Variants in ANKRD11 observed in about 807,000 individuals in gnomAD.
The protein encoded by ANKRD11 is ankyrin repeat domain 11, also known as ankyrin repeat domain-containing protein 11.
In ANKRD11, 17 loss-of-function variants were observed where a neutral mutation model predicts 195.7. That is an observed-to-expected ratio of 0.09 (90% confidence interval 0.06 to 0.13). The LOEUF is 0.13. Ranked by LOEUF, ANKRD11 falls within the 10% of genes least tolerant of loss-of-function variation. The pLI is 1.00. For missense variants in ANKRD11, 3,735 were observed against 3,566.1 expected (o/e 1.05, Z -1.21); for synonymous variants, 1,953 against 1,528.1 (o/e 1.28, Z -6.49).
intron 2 of ANKRD11, among the ~76,000 whole-genome samples, chr16:89,414,706 CG>C (rs1235855017): frequency 2.0e-5 from 3 of 152,172 alleles, no homozygotes; most frequent in African/African-American, 7.2e-5. Context: ...ACAAGGCTGT[CG>C]GGGACCCTAT....
chr16:89,433,416 G>C (rs771428996), intron 1 of ANKRD11, among the ~76,000 whole-genome samples: 12 of 152,238 alleles, frequency 7.9e-5, no homozygotes, highest in Non-Finnish European at 1.6e-4. Context: ...GCCAAGTTCA[G>C]ACTCCTTTTT....
chr16:89,371,871 A>G (rs116726303), intron 2 of ANKRD11, among the ~76,000 whole-genome samples: 4,468 of 152,298 alleles, frequency 0.029, 150 homozygotes, highest in African/African-American at 0.075. Flanking sequence ...AGGGAGGTAG[A>G]CCTGGTGACC....
intron 2 of ANKRD11, among the ~76,000 whole-genome samples, chr16:89,371,929 C>G (rs1049547880): frequency 6.6e-6 from 1 of 152,290 alleles, no homozygotes; most frequent in South Asian, 2.1e-4. Flanking sequence ...TGGCCTGTTA[C>G]AGAACAGGAG....
intron 2 of ANKRD11, among the ~76,000 whole-genome samples, chr16:89,336,838 A>G (rs2038379501): frequency 6.6e-6 from 1 of 152,126 alleles, no homozygotes. Context: ...TTAGAAAACA[A>G]CTGCAGGCCG....
chr16:89,367,696 T>C (rs1567707739), intron 2 of ANKRD11, among the ~76,000 whole-genome samples: 1 of 151,976 alleles, frequency 6.6e-6, no homozygotes, highest in African/African-American at 2.4e-5. Context: ...CAGCTGCAGG[T>C]TTTTTGCAGA....
intron 1 of ANKRD11, among the ~76,000 whole-genome samples, chr16:89,451,614 G>A (rs557425467): frequency 2.0e-5 from 3 of 151,850 alleles, no homozygotes; most frequent in Admixed American, 6.6e-5. Context: ...ACAGAATTTC[G>A]CAGTGTTGGC....
At chr16:89,337,006 C>T (rs1435575172) in intron 2 of ANKRD11, among the ~76,000 whole-genome samples, 3 of 39,720 alleles carry the variant, frequency 7.6e-5, no homozygotes, top group Non-Finnish European at 1.6e-4. Context: ...CCTGGCTCTA[C>T]CAAAAAAAAA....
At chr16:89,395,912 T>C (rs1210425019) in intron 2 of ANKRD11, 3 of 152,180 alleles carry the variant, frequency 2.0e-5, no homozygotes, top group South Asian at 2.1e-4. Flanking sequence ...CTTGTGCATA[T>C]CCTTCATGAC....
At chr16:89,341,796 A>G (rs1433426085) in intron 2 of ANKRD11, among the ~76,000 whole-genome samples, 2 of 152,180 alleles carry the variant, frequency 1.3e-5, no homozygotes, top group African/African-American at 4.8e-5. Flanking sequence ...GAGATGGCAG[A>G]GTCTGGCACG....
chr16:89,281,851 T>C lies in ANKRD11; in HGVS notation c.4691A>G (p.Lys1564Arg). 6.2e-7 allele frequency: 1 copy of C among 1,613,994 alleles called. No homozygotes were observed. Among genetic ancestry groups the C allele is most frequent in the Non-Finnish European group, 8.5e-7 (1 of 1,179,994 alleles). The stretch of plus-strand genomic sequence containing the variant: ...GAGCTTCTCCCTGGGCCTGGCGTCT[T>C]TCTTGCCTGGGTCTTTGGATGGCGC... ...KVAPSKDPGK[K>R]DARPREKLLG... The change falls in exon 9 of 13, where the codon AAA (lysine) becomes AGA (arginine). Residue 1564 changes from lysine to arginine, a missense_variant. Transcript: ENST00000301030. The surrounding 1 kb of genome is among the most constrained non-coding windows in gnomAD (Gnocchi z 5.5).
intron 2 of ANKRD11, among the ~76,000 whole-genome samples, chr16:89,369,290 G>A (rs926909977): frequency 2.0e-5 from 3 of 152,136 alleles, no homozygotes; most frequent in Admixed American, 6.5e-5. Context: ...ACGTCTCCAC[G>A]ACACTCGCAG....
At chr16:89,427,813 A>G (rs1246876454) in intron 1 of ANKRD11, among the ~76,000 whole-genome samples, 2 of 151,986 alleles carry the variant, frequency 1.3e-5, no homozygotes, top group Non-Finnish European at 2.9e-5. Flanking sequence ...AAGTCTAGTA[A>G]TCGTATGATG....
At chr16:89,475,348 A>G (rs1378104967) in intron 1 of ANKRD11, among the ~76,000 whole-genome samples, 1 of 152,162 alleles carries the variant, frequency 6.6e-6, no homozygotes, top group Non-Finnish European at 1.5e-5. Flanking sequence ...CCCCTCCCTC[A>G]TCACCAGGTG....
intron 12 of ANKRD11, 97 bp from the exon 13 acceptor site, chr16:89,268,760 C>T (rs560680331): frequency 4.2e-6 from 6 of 1,413,028 alleles, no homozygotes; most frequent in African/African-American, 2.8e-5. Flanking sequence ...GGGCGTGATA[C>T]GGCCGTGAAC....
At chr16:89,302,872 C>T (rs981518707) in intron 4 of ANKRD11, among the ~76,000 whole-genome samples, 4 of 152,208 alleles carry the variant, frequency 2.6e-5, no homozygotes, top group African/African-American at 4.8e-5. Flanking sequence ...GTGTTCAACA[C>T]GCAGTTCCAG....
At chr16:89,329,672 C>T (rs547077845) in intron 2 of ANKRD11, among the ~76,000 whole-genome samples, 9 of 152,172 alleles carry the variant, frequency 5.9e-5, no homozygotes, top group African/African-American at 1.9e-4. Context: ...TTTCATAAAC[C>T]TTGTTTTGTG....
intron 2 of ANKRD11, among the ~76,000 whole-genome samples, chr16:89,377,607 G>A (rs927234607): frequency 2.6e-5 from 4 of 152,132 alleles, no homozygotes; most frequent in Non-Finnish European, 4.4e-5. Context: ...ACCAGGTGAC[G>A]AGGAGGAGGT....
chr16:89,333,437 G>A (rs1005234761), intron 2 of ANKRD11, among the ~76,000 whole-genome samples: 15 of 152,142 alleles, frequency 9.9e-5, no homozygotes, highest in Admixed American at 3.9e-4. Context: ...TTGGACGAAC[G>A]TATCCTGATG....
intron 2 of ANKRD11, among the ~76,000 whole-genome samples, chr16:89,405,952 A>C (rs1046138126): frequency 6.6e-6 from 1 of 152,118 alleles, no homozygotes; most frequent in African/African-American, 2.4e-5. Context: ...TCTACTAAAA[A>C]GACAAAAACT....
Sources: allele counts gnomAD v4.1 joint callset (sites outside exome capture counted in the v4.1 genomes callset), GRCh38; gene constraint gnomAD v4.1.1; non-coding constraint Gnocchi (gnomAD v3.1); transcripts MANE v1.5; gene names NCBI Gene and HGNC (gene_info 2026-07-23, HGNC 2026-07-21).